KALRN: variants seen among roughly 807,000 people sequenced by gnomAD.
KALRN encodes the protein kalirin RhoGEF kinase, also known as kalirin.
A neutral mutation model predicts 353.7 loss-of-function variants in KALRN; 70 were observed. The ratio of observed to expected loss-of-function variants is 0.20; its 90% confidence interval spans 0.16 to 0.24. KALRN has a LOEUF of 0.24. Among genes scored for constraint, KALRN ranks in the 10% least tolerant of loss-of-function variants. The pLI, the probability that KALRN is intolerant of heterozygous loss-of-function variation, is 1.00. For synonymous variants in KALRN, 1,391 were observed against 1,434.8 expected (o/e 0.97, Z 0.69); for missense variants, 2,791 against 3,756.7 (o/e 0.74, Z 6.72).
At chr3:124,116,999 C>A (rs1460253389) in intron 1 of KALRN, among the ~76,000 whole-genome samples, 1 of 152,208 alleles carries the variant, frequency 6.6e-6, no homozygotes, top group Admixed American at 6.5e-5. Context: ...TGACCTTAGG[C>A]CTCTTGCTTT....
intron 33 of KALRN, among the ~76,000 whole-genome samples, chr3:124,535,988 A>C (rs1406610003): frequency 6.6e-6 from 1 of 152,120 alleles, no homozygotes; most frequent in Non-Finnish European, 1.5e-5. Flanking sequence ...CCATATTAAA[A>C]AGACCATTGC....
intron 57 of KALRN, among the ~76,000 whole-genome samples, chr3:124,704,317 A>G (rs2062492525): frequency 6.6e-6 from 1 of 152,188 alleles, no homozygotes; most frequent in Non-Finnish European, 1.5e-5. Flanking sequence ...TGCTATTATT[A>G]GCCATAGGTT....
intron 9 of KALRN, among the ~76,000 whole-genome samples, chr3:124,336,792 T>C (rs954116820): frequency 6.6e-6 from 1 of 152,208 alleles, no homozygotes; most frequent in Non-Finnish European, 1.5e-5. Context: ...TCTTTTTCCA[T>C]TTATTTGTGT....
At chr3:124,593,830 C>T (rs945443524) in intron 34 of KALRN, among the ~76,000 whole-genome samples, 6 of 152,162 alleles carry the variant, frequency 3.9e-5, no homozygotes, top group Non-Finnish European at 8.8e-5. Context: ...GATTACTTTG[C>T]TTTTATTTTG....
intron 33 of KALRN, among the ~76,000 whole-genome samples, chr3:124,500,542 A>G (rs566575749): frequency 1.3e-5 from 2 of 152,326 alleles, no homozygotes; most frequent in South Asian, 4.1e-4. Context: ...TAAGCTGTAA[A>G]TCCTCTCTTG....
intron 26 of KALRN, among the ~76,000 whole-genome samples, chr3:124,476,383 A>T (rs554974484): frequency 1.5e-3 from 226 of 151,620 alleles, no homozygotes; most frequent in Non-Finnish European, 2.3e-3. Flanking sequence ...AACAGAACTC[A>T]CTGTATAGAG....
chr3:124,079,741 G>C (rs1248041399), intron 1 of KALRN, among the ~76,000 whole-genome samples: 1 of 152,126 alleles, frequency 6.6e-6, no homozygotes, highest in African/African-American at 2.4e-5. Flanking sequence ...CTCATGATCT[G>C]GCCTGACAGG....
intron 11 of KALRN, among the ~76,000 whole-genome samples, chr3:124,386,499 A>T (rs1474839388): frequency 6.6e-6 from 1 of 152,048 alleles, no homozygotes; most frequent in African/African-American, 2.4e-5. Flanking sequence ...TCCTCTAGCT[A>T]CATCTCCCAC....
rs933159491 is a variant in KALRN, at chr3:124,658,572, A to G, written c.6123+55A>G. The G allele has an allele frequency of 2.3e-6, 3 of 1,325,506 alleles. No homozygotes were observed. The African/African-American group carries it at 4.3e-5, about 19-fold the overall frequency. The allele number at this position is 1,325,506 out of a possible 1,614,324, so 82.1% of individuals were successfully genotyped here. A position where few individuals can be genotyped will look rare whatever the true frequency, so the allele number is the denominator to read the frequency against. ...GTGGGAGGAAAACTCAGGCCAAAAC[A>G]GCCACTTTCAGAAATACCAGACGTC... On this transcript the variant is annotated intron_variant, in intron 42 of 59. Transcript: ENST00000682506.
At chr3:124,298,453 C>G (rs1166910488) in intron 5 of KALRN, among the ~76,000 whole-genome samples, 1 of 152,114 alleles carries the variant, frequency 6.6e-6, no homozygotes, top group Non-Finnish European at 1.5e-5. Flanking sequence ...ATTAAGCCTC[C>G]CAGCTTGTCT....
chr3:124,330,132 C>G, intron 8 of KALRN, 140 bp downstream of exon 8: 2 of 895,850 alleles, frequency 2.2e-6, no homozygotes, highest in Non-Finnish European at 3.3e-6. Flanking sequence ...TTGGTGACAT[C>G]TTTAGGAACC....
intron 34 of KALRN, among the ~76,000 whole-genome samples, chr3:124,566,294 C>A (rs558315180): frequency 3.9e-5 from 6 of 152,154 alleles, no homozygotes; most frequent in South Asian, 2.1e-4. Context: ...CAGGCTCAGG[C>A]GTTCGAGACC....
At chr3:124,540,262 G>A (rs1193894351) in intron 33 of KALRN, among the ~76,000 whole-genome samples, 2 of 152,134 alleles carry the variant, frequency 1.3e-5, no homozygotes, top group Non-Finnish European at 2.9e-5. Flanking sequence ...TGTGATAAAT[G>A]AGCTATGCAA....
At chr3:124,161,170 C>T (rs2150019029) in intron 1 of KALRN, among the ~76,000 whole-genome samples, 1 of 152,310 alleles carries the variant, frequency 6.6e-6, no homozygotes, top group South Asian at 2.1e-4. Context: ...AGTCATACCT[C>T]CATCCCTCCC....
At position 124,339,213 on chromosome 3, in the gene KALRN, C is replaced by T. The variant is rs62262830; in HGVS notation, c.1647+4718C>T. ...CAGAGAGGTGGGAGGACCCAGCCTC[C>T]GCTCTGCTGGGAGGGGACGGGTGCA... is the stretch of plus-strand genomic sequence containing the variant. On this transcript the variant is annotated intron_variant, in intron 9 of 59. Coordinates refer to ENST00000682506, the MANE Select transcript of KALRN (RefSeq NM_001388419.1). Among the ~76,000 whole-genome samples the T allele has an allele frequency of 2.4e-3, 363 of 152,230 alleles. 2 individuals carry two copies. Among genetic ancestry groups the T allele is most frequent in the Non-Finnish European group, 2.7e-3 (181 of 68,006 alleles).
intron 1 of KALRN, among the ~76,000 whole-genome samples, chr3:124,118,073 C>T (rs1003844536): frequency 2.0e-5 from 3 of 152,190 alleles, no homozygotes; most frequent in African/African-American, 7.2e-5. Context: ...TCTTAGGGAT[C>T]ATCCAGGAAA....
intron 34 of KALRN, among the ~76,000 whole-genome samples, chr3:124,602,009 T>C (rs1022762680): frequency 6.7e-5 from 9 of 135,294 alleles, no homozygotes; most frequent in Non-Finnish European, 1.1e-4. Flanking sequence ...CTGGACAACA[T>C]AGCAAGACTC....
At chr3:124,435,130 T>C (rs1250432276) in intron 17 of KALRN, among the ~76,000 whole-genome samples, 1 of 152,254 alleles carries the variant, frequency 6.6e-6, no homozygotes, top group African/African-American at 2.4e-5. Context: ...ATAAGTCACA[T>C]GGCCAAGCCA....
At chr3:124,144,764 A>T (rs932633886) in intron 1 of KALRN, among the ~76,000 whole-genome samples, 4 of 151,928 alleles carry the variant, frequency 2.6e-5, no homozygotes, top group African/African-American at 9.7e-5. Flanking sequence ...TCCATTTACT[A>T]GACTTTCATA....
Sources: allele counts gnomAD v4.1 joint callset (sites outside exome capture counted in the v4.1 genomes callset), GRCh38; gene constraint gnomAD v4.1.1; transcripts MANE v1.5; gene names NCBI Gene and HGNC (gene_info 2026-07-23, HGNC 2026-07-21).